The following KISS1R variants were observed in gnomAD, a reference collection of about 807,000 sequenced individuals.
The protein encoded by KISS1R is KISS1 receptor.
A neutral mutation model predicts 22.0 loss-of-function variants in KISS1R; 19 were observed. The ratio of observed to expected loss-of-function variants is 0.86; its 90% CI spans 0.60 to 1.26. KISS1R has a LOEUF of 1.26. Ranked by LOEUF, KISS1R falls within the 50% of genes most tolerant of loss-of-function variation. The probability of loss-of-function intolerance (pLI) is 0.00; values close to 1 mark genes in which losing one functional copy is unlikely to be tolerated. For synonymous variants in KISS1R, 302 were observed against 283.9 expected (o/e 1.06, Z -0.64); for missense variants, 653 against 581.9 (o/e 1.12, Z -1.26).
chr19:919,739 G>A, intron 3 of KISS1R, 114 bp downstream of exon 3: 1 of 1,509,062 alleles, frequency 6.6e-7, no homozygotes, highest in Non-Finnish European at 8.9e-7. Context: ...CAATAGCTCT[G>A]CCTGCCTAGG....
intron 1 of KISS1R, among the ~76,000 whole-genome samples, chr19:918,232 G>A (rs1038909222): frequency 2.0e-5 from 3 of 152,262 alleles, no homozygotes; most frequent in African/African-American, 7.2e-5. Context: ...TGTGGAAACT[G>A]AGGCTCAGAG....
intron 1 of KISS1R, among the ~76,000 whole-genome samples, chr19:918,158 T>A (rs1357880500): frequency 6.6e-6 from 1 of 152,062 alleles, no homozygotes; most frequent in African/African-American, 2.4e-5. Flanking sequence ...GGGTCCCCTA[T>A]CACACACAGC....
chr19:917,859 C>G (rs926346573), intron 1 of KISS1R, 113 bp downstream of exon 1: 18 of 1,283,126 alleles, frequency 1.4e-5, no homozygotes, highest in Non-Finnish European at 1.8e-5. Context: ...GGCTCTGTCC[C>G]CTGCAGGGGT....
Position 917,610 on chromosome 19 carries a change from G to C in KISS1R, c.108G>C (p.Ser36=). Residue 36 remains serine (S), a synonymous_variant, in exon 1 of 5, where the codon TCG becomes TCC. Coordinates refer to ENST00000234371, the MANE Select transcript of KISS1R (RefSeq NM_032551.5). Reference sequence around the variant, plus strand: ...ACGCCTCGGACGGCCCAGTCCCTTCGCCGCGGGCCGTGGACGCCTGGCTCG... The same window carrying C: ...ACGCCTCGGACGGCCCAGTCCCTTCCCCGCGGGCCGTGGACGCCTGGCTCG... ...GANASDGPVP[S]PRAVDAWLVP... The C allele has an allele frequency of 6.4e-7, 1 of 1,566,338 alleles. No individual in the cohort carries two copies. The highest frequency in any genetic ancestry group is 8.6e-7 in the Non-Finnish European group (1 of 1,158,564).
chr19:917,643 C>CAGAA lies in KISS1R; in HGVS notation c.141_142insAGAA (p.Phe48ArgfsTer147). 1 of 1,588,010 alleles carries CAGAA rather than the reference C, an allele frequency of 6.3e-7. No individual in the cohort carries two copies. Among genetic ancestry groups the CAGAA allele is most frequent in the Non-Finnish European group, 8.6e-7 (1 of 1,169,154 alleles). ...CCGTGGACGCCTGGCTCGTGCCGCT[C>CAGAA]TTCTTCGCGGCGCTGATGCTGCTGG... On this transcript the variant is annotated frameshift_variant, in exon 1 of 5. Transcript: ENST00000234371. LOFTEE classifies it high-confidence loss of function.
intron 1 of KISS1R, 21 bp from the exon 2 acceptor site, chr19:918,523 G>A (rs2037079618): frequency 1.9e-6 from 3 of 1,543,002 alleles, no homozygotes; most frequent in South Asian, 2.4e-5. Flanking sequence ...CACGCCCAGC[G>A]CCCGCGCATC....
intron 2 of KISS1R, 149 bp downstream of exon 2, chr19:918,817 G>A: frequency 1.3e-6 from 1 of 762,622 alleles, no homozygotes; most frequent in South Asian, 1.7e-5. Flanking sequence ...ACGGGGAGGG[G>A]GGGTGCGCTG....
rs1365750076 is a variant in KISS1R, at chr19:917,472, G to A, written c.-31G>A. The A allele has an allele frequency of 4.2e-6, 6 of 1,434,576 alleles. No individual in the cohort carries two copies. The highest frequency in any genetic ancestry group is 1.5e-5 in the African/African-American group (1 of 66,918). The allele number at this position is 1,434,576 out of a possible 1,614,324, so 88.9% of individuals were successfully genotyped here. The stretch of plus-strand genomic sequence containing the variant: ...GGCGGTGCCAGGGCGCAATCCTGGA[G>A]GGCGGCCGGGAGGAGGAGGTGCGCG... On this transcript the variant is annotated 5_prime_UTR_variant, in exon 1 of 5. Coordinates refer to ENST00000234371, the MANE Select transcript of KISS1R (RefSeq NM_032551.5).
At chr19:918,990 G>A (rs1211334303) in intron 2 of KISS1R, among the ~76,000 whole-genome samples, 1 of 149,686 alleles carries the variant, frequency 6.7e-6, no homozygotes, top group Non-Finnish European at 1.5e-5. Flanking sequence ...GGAGCGGGGG[G>A]CGGGCGCATG....
At position 920,496 on chromosome 19, in the gene KISS1R, C is replaced by A; in HGVS notation, c.945C>A (p.Asn315Lys). Residue 315 changes from asparagine to lysine, a missense_variant, in exon 5 of 5, where the codon AAC becomes AAA. Physicochemically the swap from Asn to Lys is moderately conservative, Grantham distance 94. Transcript: ENST00000234371. ...GGGCTCACTGCATGTCCTACAGCAA[C>A]TCCGCGCTGAACCCGCTGCTCTACG... ...KTWAHCMSYSNSALNPLLYAF... is the reference protein window; with the variant it reads ...KTWAHCMSYSKSALNPLLYAF... 2 of 1,609,870 alleles carry A rather than the reference C, an allele frequency of 1.2e-6. No homozygotes were observed. Among genetic ancestry groups the A allele is most frequent in the South Asian group, 2.2e-5 (2 of 90,586 alleles).
chr19:917,848 C>T (rs1308779231), intron 1 of KISS1R, 102 bp downstream of exon 1: 2 of 1,370,280 alleles, frequency 1.5e-6, no homozygotes, highest in African/African-American at 1.5e-5. Flanking sequence ...CTCTCGGACC[C>T]GGCTCTGTCC....
rs2145316528 is a variant in KISS1R, at chr19:917,485, G to A, written c.-18G>A. Reference sequence around the variant, plus strand: ...CGCAATCCTGGAGGGCGGCCGGGAGGAGGAGGTGCGCGCGGCCATGCACAC... The same window carrying A: ...CGCAATCCTGGAGGGCGGCCGGGAGAAGGAGGTGCGCGCGGCCATGCACAC... On this transcript the variant is annotated 5_prime_UTR_variant, in exon 1 of 5. Transcript: ENST00000234371. 1 of 1,450,148 alleles carries A rather than the reference G, an allele frequency of 6.9e-7. No homozygotes were observed. 89.8% of individuals were successfully genotyped at this position (1,450,148 alleles called of 1,614,324 possible). A position where few individuals can be genotyped will look rare whatever the true frequency, so the allele number is the denominator to read the frequency against.
intron 2 of KISS1R, 113 bp downstream of exon 2, chr19:918,781 G>A (rs2145318682): frequency 2.5e-6 from 3 of 1,194,202 alleles, no homozygotes; most frequent in African/African-American, 1.6e-5. Flanking sequence ...GCTCCGCAGT[G>A]GGAGGGGAGG....
chr19:919,713 A>G (rs944433090), intron 3 of KISS1R, 88 bp downstream of exon 3: 29 of 1,526,340 alleles, frequency 1.9e-5, no homozygotes, highest in South Asian at 2.4e-5. Context: ...TCGGTCCAGC[A>G]TCTGGAAAAT....
intron 1 of KISS1R, 124 bp from the exon 2 acceptor site, chr19:918,420 C>G (rs1034525537): frequency 7.8e-6 from 9 of 1,156,868 alleles, no homozygotes; most frequent in African/African-American, 1.6e-5. Flanking sequence ...GAGGGGGGGG[C>G]CTCCCTGAGC....
At position 920,089 on chromosome 19, in the gene KISS1R, G is replaced by T; in HGVS notation, c.721G>T (p.Ala241Ser). Reference protein sequence around the residue: ...LGRVAVRPAPADSALQGQVLA... With the variant: ...LGRVAVRPAPSDSALQGQVLA... ...CCGGGTCGCCGTGCGCCCCGCGCCCGCCGATAGCGCCCTGCAGGTGCGCGG... is the reference window on the plus strand; with the variant it reads ...CCGGGTCGCCGTGCGCCCCGCGCCCTCCGATAGCGCCCTGCAGGTGCGCGG... The change falls in exon 4 of 5, where the codon GCC (alanine) becomes TCC (serine). Residue 241 changes from alanine (A) to serine (S), a missense_variant. Ala to Ser is a moderately conservative substitution (Grantham distance 99, BLOSUM62 1). Transcript: ENST00000234371. 5.3e-6 allele frequency: 8 copies of T among 1,513,722 alleles called. No homozygotes were observed. The highest frequency in any genetic ancestry group is 7.0e-6 in the Non-Finnish European group (8 of 1,137,910). 93.8% of individuals were successfully genotyped at this position (1,513,722 alleles called of 1,614,324 possible). A position where few individuals can be genotyped will look rare whatever the true frequency, so the allele number is the denominator to read the frequency against.
At chr19:918,319 T>C (rs554709586) in intron 1 of KISS1R, among the ~76,000 whole-genome samples, 1 of 151,312 alleles carries the variant, frequency 6.6e-6, no homozygotes, top group African/African-American at 2.4e-5. Context: ...GGCCAGGAAA[T>C]CCGAGCCGGA....
chr19:919,986 G>A lies in KISS1R; in HGVS notation c.618G>A (p.Leu206=), dbSNP rs915869000. 1.2e-5 allele frequency: 18 copies of A among 1,563,878 alleles called. No homozygotes were observed. Among genetic ancestry groups the A allele is most frequent in the African/African-American group, 9.5e-5 (7 of 73,498 alleles). ...PSRALERAFA[L]YNLLALYLLP... is the part of the protein sequence containing the mutation. ...GCGCCCTGGAGCGCGCCTTCGCACT[G>A]TACAACCTGCTGGCGCTGTACCTGC... The change falls in exon 4 of 5, where the codon CTG becomes CTA. Residue 206 remains leucine (L), a synonymous_variant. Transcript: ENST00000234371.
At chr19:918,186 G>A (rs1599369695) in intron 1 of KISS1R, among the ~76,000 whole-genome samples, 1 of 152,226 alleles carries the variant, frequency 6.6e-6, no homozygotes, top group Non-Finnish European at 1.5e-5. Context: ...CCAGTCGGTG[G>A]CTGCTGGGCC....
Sources: gnomAD v4.1 joint callset for allele counts (sites outside exome capture counted in the v4.1 genomes callset) on GRCh38, gnomAD v4.1.1 for gene constraint, MANE v1.5 for transcripts, NCBI Gene and HGNC (gene_info 2026-07-23, HGNC 2026-07-21) for gene names.